The following PRKAA2 variants were observed in gnomAD, a reference collection of about 807,000 sequenced individuals.
PRKAA2 encodes protein kinase AMP-activated catalytic subunit alpha 2, also known as 5'-AMP-activated protein kinase catalytic subunit alpha-2.
A neutral mutation model predicts 56.3 loss-of-function variants in PRKAA2; 40 were observed. The ratio of observed to expected loss-of-function variants is 0.71; its 90% CI spans 0.55 to 0.92. The LOEUF (loss-of-function observed/expected upper bound fraction) is 0.92, where lower values mean the gene tolerates loss of function less well. PRKAA2 is among the 40% of genes least tolerant of loss of function. PRKAA2 has a pLI of 0.00. For synonymous variants in PRKAA2, 214 were observed against 234.2 expected (o/e 0.91, Z 0.79); for missense variants, 542 against 686.9 (o/e 0.79, Z 2.36).
intron 6 of PRKAA2, among the ~76,000 whole-genome samples, 198 bp from the exon 7 acceptor site, chr1:56,703,773 A>G (rs1644312500): frequency 6.6e-6 from 1 of 152,240 alleles, no homozygotes. Flanking sequence ...AATGTTGTCC[A>G]AATGCCAAGT....
In PRKAA2 at chr1:56,674,459, T is replaced by C. The variant is rs1224957749; in HGVS notation, c.173T>C (p.Val58Ala). The part of the protein sequence containing the change: ...NRQKIRSLDV[V>A]GKIKREIQNL... ...CAGAAGATTCGCAGTTTAGATGTTG[T>C]TGGAAAAATAAAACGAGAAATTCAA... Residue 58 changes from valine to alanine, a missense_variant, in exon 2 of 9, where the codon GTT (valine) becomes GCT (alanine). Val to Ala is a moderately conservative substitution (Grantham distance 64). Coordinates refer to ENST00000371244, the MANE Select transcript of PRKAA2 (RefSeq NM_006252.4). The C allele has an allele frequency of 6.3e-7, 1 of 1,576,942 alleles. No homozygotes were observed. Among genetic ancestry groups the C allele is most frequent in the South Asian group, 1.2e-5 (1 of 85,378 alleles).
intron 6 of PRKAA2, among the ~76,000 whole-genome samples, chr1:56,700,880 G>A (rs1448366845): frequency 6.6e-6 from 1 of 152,128 alleles, no homozygotes; most frequent in Admixed American, 6.5e-5. Context: ...GTGATTATGA[G>A]GCTGTTGGTT....
Position 56,706,072 on chromosome 1 carries a change from T to A in PRKAA2, c.1294-20T>A. The A allele has an allele frequency of 1.3e-6, 2 of 1,581,314 alleles. No homozygotes were observed. Among genetic ancestry groups the A allele is most frequent in the Middle Eastern group, 1.7e-4 (1 of 5,926 alleles). Reference sequence around the variant, plus strand: ...GTAGATATTTTGTAGTTTATTATTTTTATTGATTTTTCACTTTAGGTAGTG... The same window carrying A: ...GTAGATATTTTGTAGTTTATTATTTATATTGATTTTTCACTTTAGGTAGTG... On this transcript the variant is annotated intron_variant, in intron 7 of 8. Coordinates refer to ENST00000371244, the MANE Select transcript of PRKAA2 (RefSeq NM_006252.4).
chr1:56,689,489 G>A (rs1391922500), intron 2 of PRKAA2, among the ~76,000 whole-genome samples: 1 of 152,068 alleles, frequency 6.6e-6, no homozygotes, highest in Non-Finnish European at 1.5e-5. Flanking sequence ...AGGCCAAGGC[G>A]GGCAGATCAC....
At chr1:56,659,878 A>G (rs1004000834) in intron 1 of PRKAA2, among the ~76,000 whole-genome samples, 1 of 152,200 alleles carries the variant, frequency 6.6e-6, no homozygotes, top group Non-Finnish European at 1.5e-5. Context: ...ACTGCACTCC[A>G]GCTTGTGTGA....
chr1:56,691,508 T>C, intron 3 of PRKAA2, 21 bp downstream of exon 3: 1 of 1,545,306 alleles, frequency 6.5e-7, no homozygotes, highest in Non-Finnish European at 8.9e-7. Flanking sequence ...TACTATCTGG[T>C]ACACTAAATC....
At chr1:56,691,826 GCA>G (rs1169415669) in intron 3 of PRKAA2, among the ~76,000 whole-genome samples, 1 of 151,956 alleles carries the variant, frequency 6.6e-6, no homozygotes, top group African/African-American at 2.4e-5. Flanking sequence ...AAAACATTGT[GCA>G]CATTTAATAA....
chr1:56,671,678 T>G (rs531311778), intron 1 of PRKAA2, among the ~76,000 whole-genome samples: 1 of 152,338 alleles, frequency 6.6e-6, no homozygotes, highest in African/African-American at 2.4e-5. Context: ...AGTCATCGCA[T>G]TACATGTTTG....
At chr1:56,677,974 A>C (rs890108608) in intron 2 of PRKAA2, among the ~76,000 whole-genome samples, 4 of 152,052 alleles carry the variant, frequency 2.6e-5, no homozygotes, top group Admixed American at 6.6e-5. Flanking sequence ...CTTATTTTTG[A>C]TGTCATATTT....
At chr1:56,682,047 G>T (rs1026781567) in intron 2 of PRKAA2, among the ~76,000 whole-genome samples, 7 of 152,070 alleles carry the variant, frequency 4.6e-5, no homozygotes, top group African/African-American at 7.2e-5. Context: ...GTGGTTTGTA[G>T]TTCTCCTTGA....
At chr1:56,672,078 G>A (rs1644081063) in intron 1 of PRKAA2, among the ~76,000 whole-genome samples, 2 of 152,052 alleles carry the variant, frequency 1.3e-5, no homozygotes, top group Non-Finnish European at 1.5e-5. Context: ...CAAGTTTGGT[G>A]AAGAAGAGGA....
chr1:56,647,618 T>A (rs560048722), intron 1 of PRKAA2, among the ~76,000 whole-genome samples: 1 of 152,270 alleles, frequency 6.6e-6, no homozygotes, highest in African/African-American at 2.4e-5. Flanking sequence ...CTGTGTTAGA[T>A]CCTCTCAAAA....
intron 2 of PRKAA2, among the ~76,000 whole-genome samples, chr1:56,676,013 A>G (rs1460193038): frequency 2.0e-5 from 3 of 152,198 alleles, no homozygotes; most frequent in Non-Finnish European, 4.4e-5. Flanking sequence ...ATCAGGCATT[A>G]TATTTAGGCT....
At chr1:56,648,009 G>A (rs976580711) in intron 1 of PRKAA2, among the ~76,000 whole-genome samples, 73 of 150,314 alleles carry the variant, frequency 4.9e-4, no homozygotes, top group African/African-American at 1.7e-3. Context: ...CAGCTTGGGC[G>A]GCAGAGCAAG....
intron 2 of PRKAA2, among the ~76,000 whole-genome samples, chr1:56,685,388 G>A (rs1474043228): frequency 6.6e-6 from 1 of 152,152 alleles, no homozygotes; most frequent in South Asian, 2.1e-4. Context: ...TTATCTGATG[G>A]CCTGCACTTC....
At chr1:56,682,226 G>A (rs1207667970) in intron 2 of PRKAA2, among the ~76,000 whole-genome samples, 1 of 151,974 alleles carries the variant, frequency 6.6e-6, no homozygotes, top group Non-Finnish European at 1.5e-5. Context: ...TTTATGTTCT[G>A]GACAGTAAGT....
chr1:56,653,519 T>C (rs1029506561), intron 1 of PRKAA2, among the ~76,000 whole-genome samples: 4 of 152,058 alleles, frequency 2.6e-5, no homozygotes, highest in Non-Finnish European at 4.4e-5. Flanking sequence ...AGCTATGTGG[T>C]CAAACTCAAT....
At chr1:56,663,491 A>T (rs1644011239) in intron 1 of PRKAA2, among the ~76,000 whole-genome samples, 1 of 152,184 alleles carries the variant, frequency 6.6e-6, no homozygotes, top group Non-Finnish European at 1.5e-5. Context: ...ATATTGGAAA[A>T]GCCATGTTTC....
intron 2 of PRKAA2, among the ~76,000 whole-genome samples, chr1:56,680,354 T>C (rs947045400): frequency 2.6e-5 from 4 of 152,098 alleles, no homozygotes; most frequent in African/African-American, 9.7e-5. Flanking sequence ...TTTTTTTTAA[T>C]TCAAAAAAAT....
Sources: gnomAD v4.1 joint callset for allele counts (sites outside exome capture counted in the v4.1 genomes callset) on GRCh38, gnomAD v4.1.1 for gene constraint, MANE v1.5 for transcripts, NCBI Gene and HGNC (gene_info 2026-07-23, HGNC 2026-07-21) for gene names.